Variants in GAREM1 observed in about 807,000 individuals in gnomAD.
GAREM1 encodes the protein GRB2 associated regulator of MAPK1 subtype 1, also known as GRB2-associated and regulator of MAPK protein 1.
GAREM1 carries 26 observed loss-of-function variants against 71.3 expected under a neutral mutation model. The ratio of observed to expected loss-of-function variants is 0.36; its 90% confidence interval spans 0.27 to 0.51. The LOEUF is 0.51. Among genes scored for constraint, GAREM1 ranks in the 20% least tolerant of loss-of-function variants. GAREM1 has a pLI of 0.95. For missense variants in GAREM1, 1,026 were observed against 1,103.1 expected, an observed-to-expected ratio of 0.93 and a Z score of 0.99; for synonymous variants, 440 against 433.2, an observed-to-expected ratio of 1.02 and a Z score of -0.20.
chr18:32,342,858 C>T (rs1012575664), intron 2 of GAREM1, among the ~76,000 whole-genome samples: 1 of 152,166 alleles, frequency 6.6e-6, no homozygotes, highest in Non-Finnish European at 1.5e-5. Context: ...CCATGCCCAC[C>T]GACCCACTCT....
intron 2 of GAREM1, among the ~76,000 whole-genome samples, chr18:32,384,011 A>G (rs760293008): frequency 6.6e-6 from 1 of 152,184 alleles, no homozygotes; most frequent in Non-Finnish European, 1.5e-5. Flanking sequence ...GTATTTGCTC[A>G]TATTCTCCCT....
chr18:32,268,565 G>C lies in GAREM1; in HGVS notation c.1937C>G (p.Pro646Arg). Residue 646 changes from proline to arginine, a missense_variant, in exon 6 of 6, where the codon CCA (proline) becomes CGA (arginine). Transcript: ENST00000269209. ...SQTRSDFLLD[P>R]SRSYSYPRQK... ...TCTAGGGTAACTATAACTCCTGCTTGGATCCAGCAGGAAGTCACTCCTGGT... is the reference window on the plus strand; with the variant it reads ...TCTAGGGTAACTATAACTCCTGCTTCGATCCAGCAGGAAGTCACTCCTGGT... The C allele has an allele frequency of 1.9e-6, 3 of 1,614,116 alleles. No homozygotes were observed. The highest frequency in any genetic ancestry group is 2.5e-6 in the Non-Finnish European group (3 of 1,180,014).
At chr18:32,357,348 T>C (rs2047816548) in intron 2 of GAREM1, among the ~76,000 whole-genome samples, 1 of 152,242 alleles carries the variant, frequency 6.6e-6, no homozygotes, top group African/African-American at 2.4e-5. Context: ...AAGGTTTGCC[T>C]GAACTCAACC....
intron 2 of GAREM1, among the ~76,000 whole-genome samples, chr18:32,347,868 G>A (rs1486273521): frequency 1.1e-4 from 16 of 152,128 alleles, no homozygotes; most frequent in Admixed American, 2.0e-4. Flanking sequence ...CATTTCACTC[G>A]TGTGTCAGGT....
At chr18:32,309,398 G>A (rs1013279489) in intron 3 of GAREM1, among the ~76,000 whole-genome samples, 19 of 148,688 alleles carry the variant, frequency 1.3e-4, no homozygotes, top group Admixed American at 1.3e-3. Flanking sequence ...GGCAGATCAC[G>A]AGGTCAGGAG....
At chr18:32,418,329 C>T (rs1000637573) in intron 1 of GAREM1, among the ~76,000 whole-genome samples, 19 of 152,088 alleles carry the variant, frequency 1.2e-4, no homozygotes, top group Non-Finnish European at 1.0e-4. Flanking sequence ...AGTCCATGAG[C>T]CAAAGTCAAC....
intron 1 of GAREM1, chr18:32,412,353 G>A: frequency 1.3e-6 from 2 of 1,592,994 alleles, no homozygotes; most frequent in Non-Finnish European, 8.5e-7. Flanking sequence ...TCCCTTCATG[G>A]GTCCAAAATT....
At chr18:32,431,950 T>C (rs1011717801) in intron 1 of GAREM1, among the ~76,000 whole-genome samples, 25 of 152,316 alleles carry the variant, frequency 1.6e-4, no homozygotes, top group Admixed American at 1.4e-3. Context: ...CAGAATTCTA[T>C]ACCCAGTGAA....
intron 2 of GAREM1, among the ~76,000 whole-genome samples, chr18:32,313,068 T>G (rs907578238): frequency 6.6e-6 from 1 of 152,110 alleles, no homozygotes; most frequent in African/African-American, 2.4e-5. Context: ...AACCACAGAG[T>G]ACAGTTGTGT....
chr18:32,465,118 TTTAAA>T (rs2048987231), intron 1 of GAREM1, among the ~76,000 whole-genome samples: 1 of 152,202 alleles, frequency 6.6e-6, no homozygotes, highest in South Asian at 2.1e-4. Flanking sequence ...TCCAGTATTC[TTTAAA>T]TTATCATTCC....
At chr18:32,391,241 A>C (rs996001370) in intron 2 of GAREM1, among the ~76,000 whole-genome samples, 2 of 152,192 alleles carry the variant, frequency 1.3e-5, no homozygotes, top group Non-Finnish European at 2.9e-5. Context: ...TATGTTCAGG[A>C]AACAGTTAGA....
chr18:32,383,820 GTTT>G (rs200321737), intron 2 of GAREM1, among the ~76,000 whole-genome samples: 1 of 151,216 alleles, frequency 6.6e-6, no homozygotes, highest in Non-Finnish European at 1.5e-5. Flanking sequence ...ATTTTTGTGG[GTTT>G]TTTTTTAATA....
intron 2 of GAREM1, among the ~76,000 whole-genome samples, chr18:32,345,208 A>T (rs928072998): frequency 6.6e-6 from 1 of 152,226 alleles, no homozygotes; most frequent in African/African-American, 2.4e-5. Flanking sequence ...CAAAGGATAG[A>T]CTAATCATAA....
chr18:32,405,217 G>C (rs2048354265), intron 1 of GAREM1, among the ~76,000 whole-genome samples: 1 of 148,958 alleles, frequency 6.7e-6, no homozygotes, highest in Non-Finnish European at 1.5e-5. Context: ...TTGTCTTTTT[G>C]AGACAGAATC....
intron 2 of GAREM1, among the ~76,000 whole-genome samples, chr18:32,322,150 C>T (rs1183256822): frequency 2.0e-5 from 3 of 152,298 alleles, no homozygotes; most frequent in South Asian, 2.1e-4. Flanking sequence ...ACCTTGACCT[C>T]GCTCTGTTCC....
intron 1 of GAREM1, among the ~76,000 whole-genome samples, chr18:32,450,499 T>C (rs1416388868): frequency 6.6e-6 from 1 of 152,234 alleles, no homozygotes; most frequent in East Asian, 1.9e-4. Flanking sequence ...TCATCAGCAC[T>C]GGCTCAATTC....
At chr18:32,347,879 C>T (rs1411920299) in intron 2 of GAREM1, among the ~76,000 whole-genome samples, 1 of 152,036 alleles carries the variant, frequency 6.6e-6, no homozygotes. Context: ...TGTGTCAGGT[C>T]CTTTTCTCGC....
At chr18:32,437,051 A>C (rs1378023891) in intron 1 of GAREM1, among the ~76,000 whole-genome samples, 1 of 152,226 alleles carries the variant, frequency 6.6e-6, no homozygotes, top group African/African-American at 2.4e-5. Flanking sequence ...TAACTCTATA[A>C]TGTTCTTCAT....
chr18:32,456,622 T>C (rs2048891627), intron 1 of GAREM1, among the ~76,000 whole-genome samples: 1 of 152,128 alleles, frequency 6.6e-6, no homozygotes, highest in Admixed American at 6.6e-5. Flanking sequence ...GATTATTTAG[T>C]TTTGGTAATT....
Sources: gnomAD v4.1 joint callset for allele counts (sites outside exome capture counted in the v4.1 genomes callset) on GRCh38, gnomAD v4.1.1 for gene constraint, MANE v1.5 for transcripts, NCBI Gene and HGNC (gene_info 2026-07-23, HGNC 2026-07-21) for gene names.